The following GFRA1 variants were observed in gnomAD, a reference collection of about 807,000 sequenced individuals.
GFRA1 encodes the protein GDNF family receptor alpha-1.
GFRA1 carries 16 observed loss-of-function variants against 51.6 expected under a neutral mutation model. The observed-to-expected ratio is 0.31, with a 90% CI of 0.21 to 0.47. GFRA1 has a LOEUF of 0.47. Ranked by LOEUF, GFRA1 falls within the 20% of genes least tolerant of loss-of-function variation. The probability of loss-of-function intolerance (pLI) is 1.00; values close to 1 mark genes in which losing one functional copy is unlikely to be tolerated. For missense variants in GFRA1, 530 were observed against 594.3 expected (o/e 0.89, Z 1.13); for synonymous variants, 270 against 241.3 (o/e 1.12, Z -1.10).
intron 5 of GFRA1, among the ~76,000 whole-genome samples, chr10:116,152,227 A>C (rs1019695554): frequency 2.0e-5 from 3 of 152,202 alleles, no homozygotes; most frequent in African/African-American, 7.2e-5. Flanking sequence ...TGATGATGTA[A>C]GATGGACCAG....
chr10:116,144,483 C>T (rs556588860), intron 5 of GFRA1, among the ~76,000 whole-genome samples: 17 of 151,818 alleles, frequency 1.1e-4, no homozygotes, highest in South Asian at 1.0e-3. Context: ...CTAAGCAAAA[C>T]GTACTCCTTT....
chr10:116,252,517 G>T (rs1968469008), intron 4 of GFRA1, among the ~76,000 whole-genome samples: 1 of 152,114 alleles, frequency 6.6e-6, no homozygotes, highest in African/African-American at 2.4e-5. Context: ...GGGCTGCTTT[G>T]TCTTACAGGC....
At chr10:116,178,670 G>A (rs1190651521) in intron 5 of GFRA1, among the ~76,000 whole-genome samples, 2 of 152,200 alleles carry the variant, frequency 1.3e-5, no homozygotes, top group Admixed American at 6.5e-5. Flanking sequence ...GGTCACCCAC[G>A]GTGTGTGTCT....
chr10:116,089,579 G>A (rs1017546012), intron 9 of GFRA1, among the ~76,000 whole-genome samples, 162 bp downstream of exon 9: 1 of 152,118 alleles, frequency 6.6e-6, no homozygotes, highest in Non-Finnish European at 1.5e-5. Context: ...TATACGACAG[G>A]TCACAATCTT....
rs186755872 is a variant in GFRA1 at position 116,060,088 on chromosome 10, C to G, written c.*4310G>C. On this transcript the variant is annotated 3_prime_UTR_variant, in exon 11 of 11. Transcript: ENST00000355422. ...ATGTCCTACCGAATACATCCCAGGACGGAGGGAGTGGAAAAAAACACAGAT... is the reference window on the plus strand; with the variant it reads ...ATGTCCTACCGAATACATCCCAGGAGGGAGGGAGTGGAAAAAAACACAGAT... The G allele has an allele frequency of 1.3e-5, 2 of 151,980 alleles. No individual in the cohort carries two copies. The highest frequency in any genetic ancestry group is 4.8e-5 in the African/African-American group (2 of 41,336). The allele number at this position is 151,980 out of a possible 1,614,324, so 9.4% of individuals were successfully genotyped here. A position where few individuals can be genotyped will look rare whatever the true frequency, so the allele number is the denominator to read the frequency against.
At chr10:116,099,299 T>G (rs1956726043) in intron 6 of GFRA1, among the ~76,000 whole-genome samples, 1 of 152,178 alleles carries the variant, frequency 6.6e-6, no homozygotes, top group African/African-American at 2.4e-5. Context: ...ACACTATAAA[T>G]CAGGGCTTTG....
intron 4 of GFRA1, among the ~76,000 whole-genome samples, chr10:116,220,989 T>C (rs1383272211): frequency 2.0e-5 from 3 of 152,158 alleles, no homozygotes; most frequent in Admixed American, 6.6e-5. Context: ...GAAAGGACCA[T>C]GATGTCAGGG....
Position 116,201,778 on chromosome 10 carries a change from T to C in GFRA1, c.433+9853A>G, listed in dbSNP as rs117683700. Among the ~76,000 whole-genome samples, 1,365 of 152,182 alleles carry C rather than the reference T, an allele frequency of 9.0e-3. 10 individuals carry two copies. The highest frequency in any genetic ancestry group is 0.014 in the Non-Finnish European group (963 of 68,008). On this transcript the variant is annotated intron_variant, in intron 5 of 10. Transcript: ENST00000355422. ...CCTTGTACAAACCTGGGCAAGTAAA[T>C]ACTTGCTGATTCATTCTAAGTCCAA...
chr10:116,264,416 A>G (rs1969510020), intron 4 of GFRA1, among the ~76,000 whole-genome samples: 1 of 182 alleles, frequency 5.5e-3, no homozygotes, highest in African/African-American at 0.017. Context: ...AGGATCAAGA[A>G]AAGATGCTTG....
chr10:116,186,582 A>G (rs1312691808), intron 5 of GFRA1, among the ~76,000 whole-genome samples: 1 of 151,790 alleles, frequency 6.6e-6, no homozygotes, highest in Non-Finnish European at 1.5e-5. Context: ...AAAAAAAAAA[A>G]AAAAAAAAGG....
chr10:116,130,616 C>T (rs10885859), intron 5 of GFRA1, among the ~76,000 whole-genome samples: 149,465 of 152,208 alleles, frequency 0.98, 73,447 homozygotes, highest in East Asian at 1. Flanking sequence ...TCTACAGTCA[C>T]TTGATTTTTT....
intron 4 of GFRA1, among the ~76,000 whole-genome samples, chr10:116,255,054 G>A (rs1292870320): frequency 6.6e-6 from 1 of 152,204 alleles, no homozygotes; most frequent in African/African-American, 2.4e-5. Context: ...ACCAACAGCT[G>A]TGGAATGTCA....
chr10:116,173,022 A>G (rs1438652303), intron 5 of GFRA1, among the ~76,000 whole-genome samples: 4 of 152,242 alleles, frequency 2.6e-5, no homozygotes, highest in Non-Finnish European at 4.4e-5. Context: ...AGGAGACAAC[A>G]GTAATCTGGA....
chr10:116,094,674 G>T (rs141940533), intron 7 of GFRA1, among the ~76,000 whole-genome samples: 32 of 152,264 alleles, frequency 2.1e-4, no homozygotes, highest in African/African-American at 4.3e-4. Context: ...TCAGTAGTCC[G>T]CAGGGTGTAT....
At chr10:116,068,839 A>G (rs1955237897) in intron 9 of GFRA1, among the ~76,000 whole-genome samples, 1 of 139,444 alleles carries the variant, frequency 7.2e-6, no homozygotes, top group Non-Finnish European at 1.5e-5. Context: ...TCCCGCTTTC[A>G]GCTATCACAA....
intron 4 of GFRA1, among the ~76,000 whole-genome samples, chr10:116,212,376 C>T (rs1294503629): frequency 1.3e-5 from 2 of 151,950 alleles, no homozygotes; most frequent in Non-Finnish European, 2.9e-5. Context: ...AAAAATTAGC[C>T]AGACGCAGTG....
chr10:116,095,354 C>T (rs1037063828), intron 7 of GFRA1, among the ~76,000 whole-genome samples: 18 of 152,236 alleles, frequency 1.2e-4, no homozygotes, highest in African/African-American at 4.1e-4. Context: ...AGATACTCAA[C>T]ATTTTCTTCT....
chr10:116,097,348 A>C (rs1392130521), intron 6 of GFRA1, among the ~76,000 whole-genome samples: 1 of 152,128 alleles, frequency 6.6e-6, no homozygotes, highest in Non-Finnish European at 1.5e-5. Context: ...GGGGAACAGA[A>C]GGGGAAGCCA....
intron 5 of GFRA1, among the ~76,000 whole-genome samples, chr10:116,128,980 T>C (rs1174861143): frequency 2.0e-5 from 3 of 152,182 alleles, no homozygotes; most frequent in Non-Finnish European, 4.4e-5. Flanking sequence ...ACTGATTCTA[T>C]TTTCATCTAT....
Sources: allele counts gnomAD v4.1 joint callset (sites outside exome capture counted in the v4.1 genomes callset), GRCh38; gene constraint gnomAD v4.1.1; transcripts MANE v1.5; gene names NCBI Gene and HGNC (gene_info 2026-07-23, HGNC 2026-07-21).